Variants in GLRA3 observed in about 807,000 individuals in gnomAD.
The protein encoded by GLRA3 is glycine receptor alpha 3.
Under a neutral mutation model 60.4 loss-of-function variants are expected in GLRA3, and 44 were observed. The observed-to-expected ratio is 0.73, with a 90% CI of 0.57 to 0.94. The LOEUF (loss-of-function observed/expected upper bound fraction) is 0.94, where lower values mean the gene tolerates loss of function less well. GLRA3 is among the 40% of genes least tolerant of loss of function. The pLI is 0.00. For synonymous variants in GLRA3, 223 were observed against 192.9 expected (o/e 1.16, Z -1.29); for missense variants, 508 against 564.6 (o/e 0.90, Z 1.02).
chr4:174,744,250 T>G (rs1737141780), intron 3 of GLRA3, among the ~76,000 whole-genome samples: 1 of 152,372 alleles, frequency 6.6e-6, no homozygotes, highest in Non-Finnish European at 1.5e-5. Flanking sequence ...CACACCACAC[T>G]GGCTGCTCAG....
chr4:174,792,112 C>T (rs1432977764), intron 1 of GLRA3, among the ~76,000 whole-genome samples: 1 of 152,194 alleles, frequency 6.6e-6, no homozygotes, highest in Admixed American at 6.5e-5. Context: ...GCCTAAAAGT[C>T]AGCCAGAGTT....
Position 174,642,597 on chromosome 4 carries a change from A to C in GLRA3, c.*1189T>G, listed in dbSNP as rs1732653277. ...AAGTAATCCCATGGGGTCATTGAAAAATTTTATGTAAAAATTTCATTTAAA... is the reference window on the plus strand; with the variant it reads ...AAGTAATCCCATGGGGTCATTGAAACATTTTATGTAAAAATTTCATTTAAA... On this transcript the variant is annotated 3_prime_UTR_variant, in exon 10 of 10. Transcript: ENST00000274093. 1 of 948,124 alleles carries C rather than the reference A, an allele frequency of 1.1e-6. No homozygotes were observed. The highest frequency in any genetic ancestry group is 1.3e-6 in the Non-Finnish European group (1 of 796,124). 58.7% of individuals were successfully genotyped at this position (948,124 alleles called of 1,614,324 possible). A position where few individuals can be genotyped will look rare whatever the true frequency, so the allele number is the denominator to read the frequency against.
At chr4:174,711,224 G>A (rs1735706990) in intron 5 of GLRA3, among the ~76,000 whole-genome samples, 1 of 151,542 alleles carries the variant, frequency 6.6e-6, no homozygotes, top group African/African-American at 2.4e-5. Context: ...CCTTGGTGGT[G>A]TATAACATAA....
intron 7 of GLRA3, among the ~76,000 whole-genome samples, chr4:174,675,247 C>T (rs2110947069): frequency 6.6e-6 from 1 of 152,204 alleles, no homozygotes; most frequent in South Asian, 2.1e-4. Context: ...TTTATTTCTT[C>T]TGTAAGTTCT....
chr4:174,827,824 T>A (rs1305439909), intron 1 of GLRA3, among the ~76,000 whole-genome samples: 5 of 152,006 alleles, frequency 3.3e-5, no homozygotes, highest in Non-Finnish European at 5.9e-5. Context: ...CAAGTAGAAA[T>A]CAGTATGCAT....
chr4:174,788,526 G>A (rs183998514), intron 2 of GLRA3, among the ~76,000 whole-genome samples: 30 of 139,270 alleles, frequency 2.2e-4, no homozygotes, highest in East Asian at 1.3e-3. Flanking sequence ...TAAAGGATAC[G>A]TACATATATG....
In GLRA3 at chr4:174,788,934, G is replaced by A. The variant is rs1254606606; in HGVS notation, c.81C>T (p.Ala27=). ...ATCTTGCACTGTCTGTTTCCTTTGT[G>A]GCAACCAAACTACAAATAAGAACAA... ...WEAALLLSLV[A]TKETDSARSR... Residue 27 remains alanine (A), a synonymous_variant, in exon 2 of 10, where the codon GCC becomes GCT. Transcript: ENST00000274093. The A allele has an allele frequency of 4.4e-6, 7 of 1,582,134 alleles. No homozygotes were observed. The highest frequency in any genetic ancestry group is 5.1e-6 in the Non-Finnish European group (6 of 1,165,150).
intron 3 of GLRA3, among the ~76,000 whole-genome samples, chr4:174,758,030 G>A (rs541294645): frequency 6.6e-5 from 10 of 151,794 alleles, no homozygotes; most frequent in Admixed American, 5.9e-4. Flanking sequence ...CTCTTTTCCT[G>A]TACTCTCGTC....
At chr4:174,672,872 C>T (rs1014712472) in intron 7 of GLRA3, among the ~76,000 whole-genome samples, 2 of 151,904 alleles carry the variant, frequency 1.3e-5, no homozygotes, top group Non-Finnish European at 2.9e-5. Flanking sequence ...AGAGATTCCC[C>T]CACCCTGCCA....
At chr4:174,740,942 T>A (rs936814240) in intron 3 of GLRA3, among the ~76,000 whole-genome samples, 4 of 152,238 alleles carry the variant, frequency 2.6e-5, no homozygotes, top group Non-Finnish European at 5.9e-5. Flanking sequence ...TGAGTTGCAT[T>A]CAATTGTACG....
At chr4:174,654,459 G>A (rs984183038) in intron 9 of GLRA3, among the ~76,000 whole-genome samples, 9 of 152,160 alleles carry the variant, frequency 5.9e-5, no homozygotes, top group Non-Finnish European at 1.0e-4. Context: ...CATAAACTTG[G>A]CTAGGATTTC....
chr4:174,682,465 T>G (rs1302219622), intron 6 of GLRA3, among the ~76,000 whole-genome samples: 5 of 152,214 alleles, frequency 3.3e-5, no homozygotes, highest in Non-Finnish European at 7.3e-5. Flanking sequence ...ACAGATACAG[T>G]GTTTACTGCC....
chr4:174,693,796 G>C (rs989685540), intron 5 of GLRA3, among the ~76,000 whole-genome samples: 4 of 152,052 alleles, frequency 2.6e-5, no homozygotes, highest in African/African-American at 9.7e-5. Flanking sequence ...AGAGTGGCAA[G>C]CTGGATTTAA....
intron 1 of GLRA3, among the ~76,000 whole-genome samples, chr4:174,819,955 C>T (rs1390391712): frequency 6.6e-6 from 1 of 152,118 alleles, no homozygotes; most frequent in African/African-American, 2.4e-5. Flanking sequence ...TTACATCATA[C>T]ATTGATTTAA....
intron 9 of GLRA3, among the ~76,000 whole-genome samples, chr4:174,649,312 T>C (rs1184081636): frequency 6.6e-6 from 1 of 152,110 alleles, no homozygotes; most frequent in East Asian, 1.9e-4. Flanking sequence ...TAGTAGCAGG[T>C]ATCATGGTCA....
chr4:174,711,449 T>A (rs867378086), intron 5 of GLRA3, among the ~76,000 whole-genome samples: 2,757 of 137,370 alleles, frequency 0.02, 24 homozygotes, highest in African/African-American at 0.023. Context: ...ATATATATTT[T>A]TTTTTTTTTT....
chr4:174,804,991 C>T (rs578001905), intron 1 of GLRA3, among the ~76,000 whole-genome samples: 58 of 152,286 alleles, frequency 3.8e-4, no homozygotes, highest in African/African-American at 1.3e-3. Context: ...ATGGAGCCTT[C>T]GTGTTGAACA....
At chr4:174,682,065 A>C (rs78978966) in intron 6 of GLRA3, among the ~76,000 whole-genome samples, 8,839 of 152,280 alleles carry the variant, frequency 0.058, 297 homozygotes, top group South Asian at 0.12. Context: ...TGAAATGATA[A>C]GAACAGAAGC....
At chr4:174,819,495 C>CT (rs1740647424) in intron 1 of GLRA3, among the ~76,000 whole-genome samples, 1 of 152,178 alleles carries the variant, frequency 6.6e-6, no homozygotes. Context: ...ATTCCATCCT[C>CT]TTTTCTGCCC....
Sources: gnomAD v4.1 joint callset for allele counts (sites outside exome capture counted in the v4.1 genomes callset) on GRCh38, gnomAD v4.1.1 for gene constraint, MANE v1.5 for transcripts, NCBI Gene and HGNC (gene_info 2026-07-23, HGNC 2026-07-21) for gene names.